Variants in RBM27 observed in about 807,000 individuals in gnomAD.
RBM27 encodes RNA binding motif protein 27.
Under a neutral mutation model 135.3 loss-of-function variants are expected in RBM27, and 22 were observed. That is an observed-to-expected ratio of 0.16 (90% CI 0.12 to 0.23). The LOEUF (loss-of-function observed/expected upper bound fraction) is 0.23. RBM27 is among the 10% of genes least tolerant of loss of function. The pLI is 1.00. For missense variants in RBM27, 1,009 were observed against 1,281.0 expected (o/e 0.79, Z 3.24); for synonymous variants, 481 against 442.4 (o/e 1.09, Z -1.10).
chr5:146,233,415 A>G (rs918345253), intron 6 of RBM27, 35 bp from the exon 7 acceptor site: 2 of 1,497,790 alleles, frequency 1.3e-6, no homozygotes, highest in Non-Finnish European at 1.8e-6. Context: ...TAAGTAGATG[A>G]TAATAAGATT....
Position 146,230,717 on chromosome 5 carries a change from C to G in RBM27, c.650C>G (p.Pro217Arg). 1 of 1,613,794 alleles carries G rather than the reference C, an allele frequency of 6.2e-7. No individual in the cohort carries two copies. Among genetic ancestry groups the G allele is most frequent in the Non-Finnish European group, 8.5e-7 (1 of 1,179,732 alleles). The change falls in exon 6 of 21, where the codon CCT (proline) becomes CGT (arginine). Residue 217 changes from proline to arginine, a missense_variant. By Grantham distance (103) the Pro-to-Arg change is moderately radical. This residue lies in a region of RBM27 where 268 missense variants were observed against 326.6 expected (regional missense o/e 0.82). Coordinates refer to ENST00000265271, the MANE Select transcript of RBM27 (RefSeq NM_018989.2). ...AATGACCTGGAGAGTTCCTATGTGC[C>G]TGTGTCTGCACCACCTCCAAACTCT... ...ERNDLESSYVPVSAPPPNSSE... is the reference protein window; with the variant it reads ...ERNDLESSYVRVSAPPPNSSE...
Position 146,233,708 on chromosome 5 carries a change from G to T in RBM27, c.1109G>T (p.Gly370Val), listed in dbSNP as rs776546204. ...AGACTTCCTGTTCCCCAAGGACATG[G>T]TCAGCCTCCACCATCCGTTGTGCTT... ...SMRLPVPQGH[G>V]QPPPSVVLPI... Residue 370 changes from glycine to valine, a missense_variant, in exon 7 of 21, where the codon GGT becomes GTT. Gly to Val is a moderately radical substitution (Grantham distance 109). This residue lies in a region of RBM27 where 329 missense variants were observed against 368.1 expected (regional missense o/e 0.89). Transcript: ENST00000265271. 7.4e-6 allele frequency: 11 copies of T among 1,480,072 alleles called. No individual in the cohort carries two copies. In the African/African-American group the frequency reaches 1.6e-4, roughly 21 times the overall value. The allele number at this position is 1,480,072 out of a possible 1,614,324, so 91.7% of individuals were successfully genotyped here.
intron 8 of RBM27, among the ~76,000 whole-genome samples, chr5:146,246,820 C>CTTCATCCA (rs1306214865): frequency 1.3e-5 from 2 of 151,102 alleles, no homozygotes; most frequent in Non-Finnish European, 2.9e-5. Context: ...GTTAATCTTG[C>CTTCATCCA]TTCATCCATA....
chr5:146,223,185 T>G (rs1756528771), intron 2 of RBM27, among the ~76,000 whole-genome samples: 1 of 152,200 alleles, frequency 6.6e-6, no homozygotes, highest in Non-Finnish European at 1.5e-5. Flanking sequence ...TTTGCTATTA[T>G]ATCCTCCAAC....
At chr5:146,236,863 A>G (rs1379587551) in intron 7 of RBM27, among the ~76,000 whole-genome samples, 1 of 146,740 alleles carries the variant, frequency 6.8e-6, no homozygotes, top group Non-Finnish European at 1.5e-5. Flanking sequence ...ACCTCAGGTG[A>G]TCTGCCTCGG....
intron 19 of RBM27, among the ~76,000 whole-genome samples, chr5:146,281,734 C>T (rs1030906721): frequency 2.0e-5 from 3 of 152,186 alleles, no homozygotes; most frequent in Admixed American, 2.0e-4. Context: ...TAAATGTTTG[C>T]ATCAACTTTT....
At chr5:146,251,973 A>G (rs1757909715) in intron 9 of RBM27, 98 bp downstream of exon 9, 22 of 1,313,526 alleles carry the variant, frequency 1.7e-5, no homozygotes. Flanking sequence ...TGCTGTTACA[A>G]AGTCCCATTA....
At chr5:146,205,648 T>C (rs1755608248) in intron 1 of RBM27, among the ~76,000 whole-genome samples, 4 of 151,968 alleles carry the variant, frequency 2.6e-5, no homozygotes, top group Admixed American at 2.6e-4. Flanking sequence ...GTGGTGAAGG[T>C]GGGAAATAAG....
chr5:146,254,197 G>T (rs1163366432), intron 9 of RBM27, among the ~76,000 whole-genome samples: 1 of 152,172 alleles, frequency 6.6e-6, no homozygotes, highest in Non-Finnish European at 1.5e-5. Flanking sequence ...ACTCACACCT[G>T]TAATGCCAAC....
rs1185042791 is a variant in RBM27 at position 146,228,801 on chromosome 5, T to G, written c.304-145T>G. 7 of 563,484 alleles carry G rather than the reference T, an allele frequency of 1.2e-5. No individual in the cohort carries two copies. In the East Asian group the frequency reaches 2.2e-4, roughly 18 times the overall value. 34.9% of individuals were successfully genotyped at this position (563,484 alleles called of 1,614,324 possible). ...TTTTATTTATTATTTTTAGTAGAGA[T>G]GGAGTCTCCCTGTGTTTCCCAGGCT... On this transcript the variant is annotated intron_variant, in intron 3 of 20. Coordinates refer to ENST00000265271, the MANE Select transcript of RBM27 (RefSeq NM_018989.2).
At chr5:146,235,645 TG>T (rs925594148) in intron 7 of RBM27, among the ~76,000 whole-genome samples, 10 of 151,160 alleles carry the variant, frequency 6.6e-5, no homozygotes, top group Middle Eastern at 3.4e-3. Context: ...AACATGTTGT[TG>T]TTTTTTTTTA....
chr5:146,258,706 G>A (rs1410671732), intron 11 of RBM27, 113 bp downstream of exon 11: 11 of 938,938 alleles, frequency 1.2e-5, no homozygotes, highest in Non-Finnish European at 1.6e-5. Context: ...GTATCTTGAA[G>A]TTAGGGTTCC....
At chr5:146,212,428 A>G (rs1756005861) in intron 1 of RBM27, among the ~76,000 whole-genome samples, 1 of 152,012 alleles carries the variant, frequency 6.6e-6, no homozygotes, top group Non-Finnish European at 1.5e-5. Flanking sequence ...AGCTCACTGT[A>G]GCCTCAACCT....
At chr5:146,259,350 C>A (rs1758261692) in intron 11 of RBM27, among the ~76,000 whole-genome samples, 1 of 151,064 alleles carries the variant, frequency 6.6e-6, no homozygotes, top group African/African-American at 2.4e-5. Flanking sequence ...AGCCAAAATA[C>A]AAAATTAGCC....
intron 8 of RBM27, among the ~76,000 whole-genome samples, chr5:146,245,830 T>G (rs1757601956): frequency 2.6e-5 from 4 of 152,162 alleles, no homozygotes; most frequent in South Asian, 4.1e-4. Flanking sequence ...TGGAACAGTT[T>G]CATCCTAAAG....
chr5:146,271,348 C>T (rs977441290), intron 18 of RBM27, 135 bp from the exon 19 acceptor site: 147 of 806,710 alleles, frequency 1.8e-4, no homozygotes, highest in Non-Finnish European at 2.3e-4. Flanking sequence ...TGCAGTGAGC[C>T]GAGATCGTGC....
intron 19 of RBM27, among the ~76,000 whole-genome samples, chr5:146,274,595 T>A (rs971233658): frequency 1.3e-5 from 2 of 152,144 alleles, no homozygotes; most frequent in African/African-American, 4.8e-5. Flanking sequence ...AAAATCAGAC[T>A]TTTTTCTTCA....
chr5:146,260,364 A>G (rs1471659123), intron 11 of RBM27, among the ~76,000 whole-genome samples: 1 of 152,192 alleles, frequency 6.6e-6, no homozygotes, highest in Non-Finnish European at 1.5e-5. Context: ...GGGCTCACAA[A>G]AGGAACTTTA....
At chr5:146,253,059 G>A (rs1219152774) in intron 9 of RBM27, among the ~76,000 whole-genome samples, 1 of 152,056 alleles carries the variant, frequency 6.6e-6, no homozygotes, top group East Asian at 1.9e-4. Flanking sequence ...GTGCAATGGG[G>A]TGATCTTGGC....
Sources: gnomAD v4.1 joint callset for allele counts (sites outside exome capture counted in the v4.1 genomes callset) on GRCh38, gnomAD v4.1.1 for gene constraint, gnomAD v4.1.1 regional missense constraint, MANE v1.5 for transcripts, NCBI Gene and HGNC (gene_info 2026-07-23, HGNC 2026-07-21) for gene names.